Variants in NLRP5 observed in about 807,000 individuals in gnomAD.
NLRP5 encodes the protein NACHT, LRR and PYD domains-containing protein 5.
Under a neutral mutation model 113.1 loss-of-function variants are expected in NLRP5, and 93 were observed. The observed-to-expected ratio is 0.82, with a 90% CI of 0.70 to 0.98. NLRP5 has a LOEUF of 0.98. NLRP5 is among the 50% of genes least tolerant of loss of function. The pLI is 0.00. For synonymous variants in NLRP5, 751 were observed against 600.7 expected (o/e 1.25, Z -3.66); for missense variants, 1,808 against 1,514.3 (o/e 1.19, Z -3.22).
intron 12 of NLRP5, among the ~76,000 whole-genome samples, chr19:56,051,029 A>G (rs111691716): frequency 1.9e-3 from 295 of 152,330 alleles, no homozygotes; most frequent in African/African-American, 5.8e-3. Flanking sequence ...TCAGTGAGCA[A>G]AAATCGATCT....
chr19:56,028,284 C>T lies in NLRP5; in HGVS notation c.2051C>T (p.Thr684Ile). The T allele has an allele frequency of 6.2e-7, 1 of 1,613,906 alleles. No individual in the cohort carries two copies. Among genetic ancestry groups the T allele is most frequent in the Middle Eastern group, 1.6e-4 (1 of 6,062 alleles). The change falls in exon 7 of 15, where the codon ACC becomes ATC. Residue 684 changes from threonine (T) to isoleucine (I), a missense_variant. Thr to Ile is a moderately conservative substitution (Grantham distance 89). Transcript: ENST00000390649. ...CCTAATGCCACCACCCCAGGAGACA[C>T]CCTGGACGCCTTCCACTGTCTTTTC...
chr19:56,032,294 G>A (rs181818144), intron 7 of NLRP5, among the ~76,000 whole-genome samples: 65 of 151,380 alleles, frequency 4.3e-4, no homozygotes, highest in Admixed American at 1.1e-3. Flanking sequence ...GCAGTGAGCC[G>A]AGATTGCGCC....
rs1181326368 is a variant in NLRP5 at position 56,020,611 on chromosome 19, A to G, written c.679+180A>G. Among the ~76,000 whole-genome samples the G allele has an allele frequency of 6.6e-5, 10 of 151,792 alleles. No homozygotes were observed. The South Asian group carries it at 1.7e-3, about 25-fold the overall frequency. On this transcript the variant is annotated intron_variant, in intron 6 of 14. Coordinates refer to ENST00000390649, the MANE Select transcript of NLRP5 (RefSeq NM_153447.4). Reference sequence around the variant, plus strand: ...TCAGTACCATGGATAGAGCTACGCAAGTTCACTGTGATTATCTACAGTCAG... The same window carrying G: ...TCAGTACCATGGATAGAGCTACGCAGGTTCACTGTGATTATCTACAGTCAG...
chr19:56,008,903 C>T (rs370945407), intron 3 of NLRP5, 50 bp downstream of exon 3: 25 of 1,519,018 alleles, frequency 1.6e-5, no homozygotes, highest in Non-Finnish European at 2.2e-5. Context: ...AGACACATGG[C>T]AGCCAGTTTG....
intron 14 of NLRP5, among the ~76,000 whole-genome samples, chr19:56,060,926 T>G (rs1298592757): frequency 1.3e-5 from 2 of 152,076 alleles, no homozygotes; most frequent in African/African-American, 2.4e-5. Context: ...CAAGGCAGCA[T>G]TATTATTAGA....
upstream of NLRP5, among the ~76,000 whole-genome samples, chr19:55,999,407 G>T (rs1461670621): frequency 6.6e-6 from 1 of 151,814 alleles, no homozygotes; most frequent in South Asian, 2.1e-4. Context: ...GTAGAAATGG[G>T]GTTTCACCAT....
intron 9 of NLRP5, among the ~76,000 whole-genome samples, chr19:56,036,168 A>G (rs1269185699): frequency 4.2e-5 from 6 of 141,736 alleles, no homozygotes. Flanking sequence ...GGTTCACGCC[A>G]TTCTCCTGCC....
intron 7 of NLRP5, among the ~76,000 whole-genome samples, chr19:56,032,344 CAAAA>C (rs34855619): frequency 1.6e-5 from 2 of 123,610 alleles, no homozygotes; most frequent in Non-Finnish European, 1.7e-5. Flanking sequence ...GACTCCATCT[CAAAA>C]AAAAAAAAAA....
At chr19:56,055,806 A>T (rs543392573) in intron 13 of NLRP5, among the ~76,000 whole-genome samples, 1 of 151,700 alleles carries the variant, frequency 6.6e-6, no homozygotes, top group Admixed American at 6.6e-5. Context: ...TGGCCTCCCA[A>T]AGTGCTGGGA....
In NLRP5 at chr19:56,001,459, T is replaced by A. The variant is rs10421419; in HGVS notation, c.62+1672T>A. 2.8e-3 allele frequency among the ~76,000 whole-genome samples: 400 copies of A among 142,170 alleles called. 3 individuals carry two copies. Among genetic ancestry groups the A allele is most frequent in the African/African-American group, 1.0e-2 (385 of 38,622 alleles). The allele number at this position is 142,170 out of a possible 152,430, so 93.3% of individuals were successfully genotyped here. A position where few individuals can be genotyped will look rare whatever the true frequency, so the allele number is the denominator to read the frequency against. ...TGACTCTCCTAATTACTTGAAATTT[T>A]ATAATTTATCTTCTGACTCTCCTAA... On this transcript the variant is annotated intron_variant, in intron 1 of 14. Coordinates refer to ENST00000390649, the MANE Select transcript of NLRP5 (RefSeq NM_153447.4).
intron 11 of NLRP5, among the ~76,000 whole-genome samples, chr19:56,045,745 G>A (rs1032536132): frequency 3.3e-5 from 5 of 152,224 alleles, no homozygotes; most frequent in African/African-American, 1.2e-4. Context: ...CGTTTATTGC[G>A]GGCAGGGGAA....
In NLRP5 at chr19:56,019,886, T is replaced by G. The variant is rs377223208; in HGVS notation, c.622+488T>G. On this transcript the variant is annotated intron_variant, in intron 5 of 14. Coordinates refer to ENST00000390649, the MANE Select transcript of NLRP5 (RefSeq NM_153447.4). ...GAGTCTCGCTGTGTCGCCCAAGCTG[T>G]AGTGCAGTGGCGGGATCTCAGCTCA... Among the ~76,000 whole-genome samples, 789 of 150,640 alleles carry G rather than the reference T, an allele frequency of 5.2e-3. 9 individuals carry two copies. Among genetic ancestry groups the G allele is most frequent in the African/African-American group, 0.019 (746 of 40,228 alleles).
chr19:56,005,319 A>G (rs1568481672), intron 2 of NLRP5, among the ~76,000 whole-genome samples: 1 of 146,460 alleles, frequency 6.8e-6, no homozygotes, highest in Non-Finnish European at 1.5e-5. Context: ...TTATATATAC[A>G]CACATATTTA....
At chr19:56,005,107 A>AAAAAAAAAAAAAAAAAAAAATATATAT (rs1173746273) in intron 2 of NLRP5, among the ~76,000 whole-genome samples, 1 of 95,344 alleles carries the variant, frequency 1.0e-5, no homozygotes, top group African/African-American at 3.9e-5. Flanking sequence ...AAAAAAAAAA[A>AAAAAAAAAAAAAAAAAAAAATATATAT]ATATATATAT....
chr19:56,020,068 C>T (rs1402918316), intron 5 of NLRP5, among the ~76,000 whole-genome samples: 3 of 151,804 alleles, frequency 2.0e-5, no homozygotes, highest in East Asian at 3.9e-4. Context: ...AACTCGTGAC[C>T]TCGGCTGCCC....
chr19:56,033,503 A>G (rs778717064), intron 8 of NLRP5, 39 bp from the exon 9 acceptor site: 1 of 1,519,216 alleles, frequency 6.6e-7, no homozygotes, highest in East Asian at 2.3e-5. Flanking sequence ...ACAACTAAAC[A>G]TCACCAGTGT....
Position 56,027,875 on chromosome 19 carries a change from G to T in NLRP5, c.1642G>T (p.Gly548Cys), listed in dbSNP as rs1982933714. Residue 548 changes from glycine (G) to cysteine (C), a missense_variant, in exon 7 of 15, where the codon GGT (glycine) becomes TGT (cysteine). Transcript: ENST00000390649. ...GTGGAATAGGAAGTCAGTGTTTGACGGTGACGACCTCATGGTTCAAGGACT... is the reference window on the plus strand; with the variant it reads ...GTGGAATAGGAAGTCAGTGTTTGACTGTGACGACCTCATGGTTCAAGGACT... 6.2e-7 allele frequency: 1 copy of T among 1,613,730 alleles called. No individual in the cohort carries two copies. The highest frequency in any genetic ancestry group is 1.7e-5 in the Admixed American group (1 of 59,974).
rs140275504 is a variant in NLRP5, at chr19:56,011,847, G to A, written c.508+2994G>A. ...GCTGGGATTACACACGCGCGCCACC[G>A]TGCCTGGCTAATTTTTGTGTATTTG... On this transcript the variant is annotated intron_variant, in intron 3 of 14. Transcript: ENST00000390649. Among the ~76,000 whole-genome samples, 507 of 151,536 alleles carry A rather than the reference G, an allele frequency of 3.3e-3. 4 individuals are homozygous for A. The highest frequency in any genetic ancestry group is 0.018 in the South Asian group (88 of 4,798).
At chr19:56,054,885 A>G (rs1274429857) in intron 13 of NLRP5, among the ~76,000 whole-genome samples, 2 of 151,780 alleles carry the variant, frequency 1.3e-5, no homozygotes, top group African/African-American at 4.8e-5. Flanking sequence ...GTGAGCACTG[A>G]CCATGCACTA....
Sources: allele counts gnomAD v4.1 joint callset (sites outside exome capture counted in the v4.1 genomes callset), GRCh38; gene constraint gnomAD v4.1.1; transcripts MANE v1.5; gene names NCBI Gene and HGNC (gene_info 2026-07-23, HGNC 2026-07-21).